The following GRID2 variants were observed in gnomAD, a reference collection of about 807,000 sequenced individuals.
The protein encoded by GRID2 is glutamate ionotropic receptor delta type subunit 2.
A neutral mutation model predicts 114.8 loss-of-function variants in GRID2; 33 were observed. The ratio of observed to expected loss-of-function variants is 0.29; its 90% CI spans 0.22 to 0.38. The LOEUF (loss-of-function observed/expected upper bound fraction) is 0.38, where lower values mean the gene tolerates loss of function less well. GRID2 is among the 10% of genes least tolerant of loss of function. GRID2 has a pLI of 1.00. For missense variants in GRID2, 1,184 were observed against 1,257.7 expected, an observed-to-expected ratio of 0.94 and a Z score of 0.89; for synonymous variants, 505 against 449.9, an observed-to-expected ratio of 1.12 and a Z score of -1.55.
chr4:92,606,548 A>T (rs375641087), intron 2 of GRID2, among the ~76,000 whole-genome samples: 1 of 151,922 alleles, frequency 6.6e-6, no homozygotes, highest in Non-Finnish European at 1.5e-5. Flanking sequence ...AACAAAATTG[A>T]TGTATCTCTT....
At chr4:92,741,824 C>A (rs1217224123) in intron 2 of GRID2, among the ~76,000 whole-genome samples, 6 of 152,154 alleles carry the variant, frequency 3.9e-5, no homozygotes, top group Non-Finnish European at 8.8e-5. Flanking sequence ...ACATTTAATT[C>A]AGAATTGGTG....
At chr4:92,919,757 G>A (rs866779297) in intron 2 of GRID2, among the ~76,000 whole-genome samples, 2 of 152,208 alleles carry the variant, frequency 1.3e-5, no homozygotes, top group Non-Finnish European at 2.9e-5. Flanking sequence ...TTGCTGAGGA[G>A]TGCTTTACTT....
chr4:93,052,209 A>G (rs949513695), intron 2 of GRID2, among the ~76,000 whole-genome samples: 2 of 152,146 alleles, frequency 1.3e-5, no homozygotes, highest in South Asian at 4.1e-4. Flanking sequence ...TACTGTGATG[A>G]TGGAACTTAT....
At chr4:93,374,970 T>A (rs1234202569) in intron 8 of GRID2, among the ~76,000 whole-genome samples, 2 of 152,164 alleles carry the variant, frequency 1.3e-5, no homozygotes, top group Non-Finnish European at 2.9e-5. Flanking sequence ...CTATTATTCT[T>A]AACTCTGCCT....
chr4:93,528,653 A>T (rs1463377076), intron 13 of GRID2, among the ~76,000 whole-genome samples: 1 of 152,098 alleles, frequency 6.6e-6, no homozygotes, highest in Non-Finnish European at 1.5e-5. Context: ...GTAAGACTCA[A>T]TCTATCCCAC....
chr4:92,466,489 C>T (rs575142468), intron 1 of GRID2, among the ~76,000 whole-genome samples: 2 of 151,858 alleles, frequency 1.3e-5, no homozygotes, highest in South Asian at 2.1e-4. Context: ...ACATTGTATG[C>T]CTTTATCAAA....
At chr4:93,361,003 A>G (rs1399515553) in intron 8 of GRID2, among the ~76,000 whole-genome samples, 1 of 151,954 alleles carries the variant, frequency 6.6e-6, no homozygotes, top group Non-Finnish European at 1.5e-5. Context: ...TGCATATTGA[A>G]TAATTTTTCT....
At chr4:92,530,998 T>C (rs972184352) in intron 1 of GRID2, among the ~76,000 whole-genome samples, 1 of 152,096 alleles carries the variant, frequency 6.6e-6, no homozygotes, top group Non-Finnish European at 1.5e-5. Flanking sequence ...GTTAATTTTA[T>C]TGTGAATGTT....
chr4:93,524,415 G>T (rs190174585), intron 13 of GRID2, among the ~76,000 whole-genome samples: 108 of 152,152 alleles, frequency 7.1e-4, no homozygotes, highest in South Asian at 1.2e-3. Flanking sequence ...ATCACACAAA[G>T]AAAGAAGAGA....
At chr4:93,662,452 T>A (rs1298845735) in intron 14 of GRID2, among the ~76,000 whole-genome samples, 1 of 152,234 alleles carries the variant, frequency 6.6e-6, no homozygotes, top group Admixed American at 6.5e-5. Context: ...CTAAAAGTTT[T>A]TGAAATTTTC....
chr4:92,419,308 A>G (rs149783214), intron 1 of GRID2, among the ~76,000 whole-genome samples: 19 of 152,226 alleles, frequency 1.2e-4, no homozygotes, highest in African/African-American at 4.3e-4. Context: ...AAACTCTTAC[A>G]TGTAGCTCAG....
At chr4:92,832,479 C>T (rs1024124308) in intron 2 of GRID2, among the ~76,000 whole-genome samples, 13 of 151,942 alleles carry the variant, frequency 8.6e-5, no homozygotes, top group African/African-American at 1.4e-4. Context: ...CCGCAACCTC[C>T]GCCTCCCGGG....
At chr4:93,599,472 C>A (rs1173472934) in intron 13 of GRID2, among the ~76,000 whole-genome samples, 2 of 152,130 alleles carry the variant, frequency 1.3e-5, no homozygotes, top group African/African-American at 4.8e-5. Flanking sequence ...ATAATTTTAT[C>A]ATCATTGAAA....
intron 5 of GRID2, among the ~76,000 whole-genome samples, chr4:93,215,787 A>AT (rs796335031): frequency 9.2e-5 from 14 of 151,896 alleles, no homozygotes; most frequent in East Asian, 3.9e-4. Context: ...GTTTTCTTTC[A>AT]TTTTTTTTGT....
chr4:92,636,774 C>G (rs1005714600), intron 2 of GRID2, among the ~76,000 whole-genome samples: 1 of 152,062 alleles, frequency 6.6e-6, no homozygotes, highest in Non-Finnish European at 1.5e-5. Flanking sequence ...GCAAATTTGA[C>G]TTCACACATC....
At chr4:93,385,535 G>C (rs1764233850) in intron 8 of GRID2, among the ~76,000 whole-genome samples, 1 of 152,134 alleles carries the variant, frequency 6.6e-6, no homozygotes, top group Non-Finnish European at 1.5e-5. Flanking sequence ...TACTAGGCCT[G>C]TTCCATGTGC....
intron 8 of GRID2, among the ~76,000 whole-genome samples, chr4:93,307,049 A>T (rs1364534187): frequency 6.6e-6 from 1 of 151,950 alleles, no homozygotes; most frequent in Non-Finnish European, 1.5e-5. Flanking sequence ...TACAAAAATT[A>T]GCTGGGCATG....
At chr4:92,519,090 A>G (rs1302336654) in intron 1 of GRID2, among the ~76,000 whole-genome samples, 1 of 151,876 alleles carries the variant, frequency 6.6e-6, no homozygotes, top group African/African-American at 2.4e-5. Flanking sequence ...AGGGAAATAA[A>G]TATGCATATT....
intron 8 of GRID2, among the ~76,000 whole-genome samples, chr4:93,391,987 A>G (rs971779585): frequency 1.3e-5 from 2 of 152,188 alleles, no homozygotes; most frequent in African/African-American, 4.8e-5. Flanking sequence ...AGAAAATACT[A>G]TAGAAAATCA....
Sources: allele counts gnomAD v4.1 joint callset (sites outside exome capture counted in the v4.1 genomes callset), GRCh38; gene constraint gnomAD v4.1.1; transcripts MANE v1.5; gene names NCBI Gene and HGNC (gene_info 2026-07-23, HGNC 2026-07-21).